The following KIAA1549 variants were observed in gnomAD, a reference collection of about 807,000 sequenced individuals.
The protein encoded by KIAA1549 is UPF0606 protein KIAA1549.
Under a neutral mutation model 156.4 loss-of-function variants are expected in KIAA1549, and 70 were observed. The ratio of observed to expected loss-of-function variants is 0.45; its 90% CI spans 0.37 to 0.55. The LOEUF is 0.55. Ranked by LOEUF, KIAA1549 falls within the 20% of genes least tolerant of loss-of-function variation. The pLI is 0.00. For missense variants in KIAA1549, 2,428 were observed against 2,540.9 expected (o/e 0.96, Z 0.96); for synonymous variants, 1,103 against 1,066.4 (o/e 1.03, Z -0.67).
At chr7:138,957,171 A>G (rs1481668658) in intron 1 of KIAA1549, among the ~76,000 whole-genome samples, 1 of 151,532 alleles carries the variant, frequency 6.6e-6, no homozygotes, top group Non-Finnish European at 1.5e-5. Flanking sequence ...GGGAATGACC[A>G]TACTGCCAGA....
intron 6 of KIAA1549, among the ~76,000 whole-genome samples, 164 bp from the exon 7 acceptor site, chr7:138,905,245 T>C (rs952151270): frequency 2.6e-5 from 4 of 152,204 alleles, no homozygotes; most frequent in Non-Finnish European, 4.4e-5. Context: ...TCTGAACACA[T>C]TAGTCTCAAG....
chr7:138,980,913 G>T (rs1005333477), intron 1 of KIAA1549, among the ~76,000 whole-genome samples, 170 bp downstream of exon 1: 9 of 152,176 alleles, frequency 5.9e-5, no homozygotes, highest in Admixed American at 2.6e-4. Flanking sequence ...TATTTCCCCC[G>T]TGCCTTTATT....
At chr7:138,881,620 C>G (rs374427213) in intron 10 of KIAA1549, 36 bp from the exon 11 acceptor site, 37 of 1,578,356 alleles carry the variant, frequency 2.3e-5, no homozygotes, top group Non-Finnish European at 2.8e-5. Context: ...GATTGTTAAC[C>G]CGGAATCCAA....
chr7:138,958,750 C>G lies in KIAA1549; in HGVS notation c.187+22333G>C, dbSNP rs532772676. ...CCCCGAACAGTAGACGGCAATACTT[C>G]CTCAGGGTCACTCAGCAACAATCCA... On this transcript the variant is annotated intron_variant, in intron 1 of 19. Coordinates refer to ENST00000422774, the MANE Select transcript of KIAA1549 (RefSeq NM_001164665.2). Among the ~76,000 whole-genome samples the G allele has an allele frequency of 3.3e-5, 5 of 152,274 alleles. No individual in the cohort carries two copies. The South Asian group carries it at 1.0e-3, about 32-fold the overall frequency.
At chr7:138,892,677 AT>A (rs1215473939) in intron 10 of KIAA1549, among the ~76,000 whole-genome samples, 4 of 152,280 alleles carry the variant, frequency 2.6e-5, no homozygotes, top group East Asian at 1.9e-4. Flanking sequence ...AATACTTTGC[AT>A]TTTTTTGTTA....
At chr7:138,915,963 G>A (rs1812309299) in intron 2 of KIAA1549, among the ~76,000 whole-genome samples, 1 of 152,258 alleles carries the variant, frequency 6.6e-6, no homozygotes. Context: ...CGCGGCCACA[G>A]CAGCCATGCA....
chr7:138,936,127 G>C (rs913713781), intron 1 of KIAA1549, among the ~76,000 whole-genome samples: 1 of 152,198 alleles, frequency 6.6e-6, no homozygotes, highest in Admixed American at 6.5e-5. Context: ...GTGTGATCAG[G>C]ACGGTGAAGG....
chr7:138,838,254 C>T (rs1291647058), intron 19 of KIAA1549, 94 bp from the exon 20 acceptor site: 1 of 1,288,436 alleles, frequency 7.8e-7, no homozygotes, highest in East Asian at 2.6e-5. Context: ...CAGGACTGCC[C>T]ACGTCCATCC....
At chr7:138,952,078 A>ACG (rs1813517885) in intron 1 of KIAA1549, among the ~76,000 whole-genome samples, 1 of 152,210 alleles carries the variant, frequency 6.6e-6, no homozygotes, top group African/African-American at 2.4e-5. Context: ...GCACGGGTGA[A>ACG]CGCACGGAAG....
chr7:138,938,049 T>TA (rs796139195), intron 1 of KIAA1549, among the ~76,000 whole-genome samples: 10 of 152,124 alleles, frequency 6.6e-5, no homozygotes, highest in African/African-American at 2.4e-4. Flanking sequence ...AAGGTGATGG[T>TA]ATTAAGAGGT....
intron 1 of KIAA1549, among the ~76,000 whole-genome samples, chr7:138,923,627 T>C (rs1428865005): frequency 6.6e-6 from 1 of 151,870 alleles, no homozygotes; most frequent in East Asian, 1.9e-4. Flanking sequence ...GATAAATATA[T>C]GGTTAAATCT....
rs1250821234 is a variant in KIAA1549, at chr7:138,903,728, C to A, written c.3529G>T (p.Gly1177Cys). The change falls in exon 8 of 20, where the codon GGC becomes TGC. Residue 1177 changes from glycine (G) to cysteine (C), a missense_variant. Transcript: ENST00000422774. Reference protein sequence around the residue: ...KSSWVRTVLLGVMEKQLQNEV... With the variant: ...KSSWVRTVLLCVMEKQLQNEV... ...TTCTGGAGTTGCTTCTCCATGACGC[C>A]CAGGAGAACTACATTTAAATGAAAA... 6.3e-7 allele frequency: 1 copy of A among 1,593,270 alleles called. No individual in the cohort carries two copies. Among genetic ancestry groups the A allele is most frequent in the Non-Finnish European group, 8.5e-7 (1 of 1,170,112 alleles).
At chr7:138,943,879 T>C (rs575946455) in intron 1 of KIAA1549, among the ~76,000 whole-genome samples, 4 of 151,658 alleles carry the variant, frequency 2.6e-5, no homozygotes, top group Admixed American at 2.0e-4. Flanking sequence ...AAAAATGCAT[T>C]ACCTCACATA....
At chr7:138,883,085 C>T (rs1811288987) in intron 10 of KIAA1549, among the ~76,000 whole-genome samples, 1 of 106,064 alleles carries the variant, frequency 9.4e-6, no homozygotes, top group Non-Finnish European at 1.8e-5. Flanking sequence ...AACCCCATCT[C>T]CCCTAAAAAA....
Position 138,894,360 on chromosome 7 carries a change from G to A in KIAA1549, c.4014C>T (p.Asn1338=), listed in dbSNP as rs775359807. The change falls in exon 10 of 20, where the codon AAC becomes AAT. Residue 1338 remains asparagine (N), a synonymous_variant. Transcript: ENST00000422774. ...KLDFQPDTVA[N]IQQRQKLQIP... is the part of the protein sequence containing the mutation. ...CCGTTACCTTCTGACGCTGCTGAAT[G>A]TTGGCCACAGTGTCAGGCTGAAAGT... The A allele has an allele frequency of 1.2e-6, 2 of 1,613,984 alleles. No homozygotes were observed. The highest frequency in any genetic ancestry group is 1.7e-6 in the Non-Finnish European group (2 of 1,179,876).
chr7:138,846,893 C>T (rs1810093881), intron 17 of KIAA1549, among the ~76,000 whole-genome samples: 1 of 152,170 alleles, frequency 6.6e-6, no homozygotes, highest in Admixed American at 6.5e-5. Context: ...GAGTATATCT[C>T]ATAAACTGAA....
At chr7:138,941,443 G>A (rs1241813773) in intron 1 of KIAA1549, among the ~76,000 whole-genome samples, 1 of 152,202 alleles carries the variant, frequency 6.6e-6, no homozygotes, top group Non-Finnish European at 1.5e-5. Flanking sequence ...CCAAAGAACA[G>A]ATTAAGAAGT....
At chr7:138,887,201 C>T (rs1289610400) in intron 10 of KIAA1549, among the ~76,000 whole-genome samples, 4 of 152,008 alleles carry the variant, frequency 2.6e-5, no homozygotes, top group African/African-American at 4.8e-5. Flanking sequence ...TGAGCCACCA[C>T]GCCTGGCCTA....
chr7:138,911,726 T>A (rs773650039), intron 3 of KIAA1549, among the ~76,000 whole-genome samples: 23 of 152,354 alleles, frequency 1.5e-4, no homozygotes, highest in South Asian at 1.0e-3. Flanking sequence ...TTATTTAATA[T>A]ATCTAAAATA....
Sources: allele counts gnomAD v4.1 joint callset (sites outside exome capture counted in the v4.1 genomes callset), GRCh38; gene constraint gnomAD v4.1.1; transcripts MANE v1.5; gene names NCBI Gene and HGNC (gene_info 2026-07-23, HGNC 2026-07-21).